Variants in CCDC169 observed in about 807,000 individuals in gnomAD.
The protein encoded by CCDC169 is coiled-coil domain containing 169, also known as coiled-coil domain-containing protein 169.
A neutral mutation model predicts 36.0 loss-of-function variants in CCDC169; 30 were observed. That is an observed-to-expected ratio of 0.83 (90% CI 0.62 to 1.13). The LOEUF (loss-of-function observed/expected upper bound fraction) is 1.13, where lower values mean the gene tolerates loss of function less well. Ranked by LOEUF, CCDC169 falls within the 50% of genes most tolerant of loss-of-function variation. The pLI is 0.00. For missense variants in CCDC169, 245 were observed against 245.9 expected (o/e 1.00, Z 0.03); for synonymous variants, 85 against 81.5 (o/e 1.04, Z -0.23).
chr13:36,234,040 G>A (rs956631516), intron 7 of CCDC169, among the ~76,000 whole-genome samples: 1 of 152,108 alleles, frequency 6.6e-6, no homozygotes, highest in Non-Finnish European at 1.5e-5. Flanking sequence ...TCTGAGGGTG[G>A]CTTCATCTAC....
At position 36,266,599 on chromosome 13, in the gene CCDC169, C is replaced by T. The variant is rs191102977; in HGVS notation, c.316-12456G>A. On this transcript the variant is annotated intron_variant, in intron 4 of 7. Transcript: ENST00000239859. ...TTGTTTTACCCTGTCCACCCTTCCA[C>T]TACTGGTATAGAGGGCCTCTTATGA... 1.9e-3 allele frequency among the ~76,000 whole-genome samples: 287 copies of T among 152,310 alleles called. 2 individuals are homozygous for T. Among genetic ancestry groups the T allele is most frequent in the African/African-American group, 6.6e-3 (274 of 41,564 alleles).
intron 4 of CCDC169, among the ~76,000 whole-genome samples, chr13:36,264,431 A>T (rs1875010362): frequency 6.7e-6 from 1 of 150,250 alleles, no homozygotes; most frequent in South Asian, 2.1e-4. Flanking sequence ...GCAATAAATA[A>T]AAAAAAAAGT....
chr13:36,246,989 C>T lies in CCDC169; in HGVS notation c.545+1617G>A, dbSNP rs79520563. Among the ~76,000 whole-genome samples the T allele has an allele frequency of 8.8e-3, 1,346 of 152,262 alleles. 14 individuals carry two copies. Among genetic ancestry groups the T allele is most frequent in the Non-Finnish European group, 0.014 (929 of 68,016 alleles). ...TTCAAAGCATCAAAAAACAGGTTGA[C>T]TTGTCTAATGCAGCCAGTGAGTTTA... On this transcript the variant is annotated intron_variant, in intron 7 of 7. Coordinates refer to ENST00000239859, the MANE Select transcript of CCDC169 (RefSeq NM_001144981.3).
At position 36,248,658 on chromosome 13, in the gene CCDC169, T is replaced by G. The variant is rs576535002; in HGVS notation, c.493A>C (p.Lys165Gln). 11 of 1,550,570 alleles carry G rather than the reference T, an allele frequency of 7.1e-6. No individual in the cohort carries two copies. In the South Asian group the frequency reaches 1.1e-4, roughly 15 times the overall value. Residue 165 changes from lysine (K) to glutamine (Q), a missense_variant, in exon 7 of 8, where the codon AAA becomes CAA. Coordinates refer to ENST00000239859, the MANE Select transcript of CCDC169 (RefSeq NM_001144981.3). ...GGCAGTTGATCCACCTGTTGCCTTT[T>G]AGAAACTTGATGTAAACCAGAACCC... ...SQGSGLHQVS[K>Q]RQQVDQLPRM...
At chr13:36,282,395 T>G (rs1431573651) in intron 4 of CCDC169, 2 of 985,286 alleles carry the variant, frequency 2.0e-6, no homozygotes, top group Admixed American at 6.1e-5. Context: ...GATATAGGAT[T>G]GTTGGATCCC....
chr13:36,287,699 G>A (rs1374796122), intron 2 of CCDC169, among the ~76,000 whole-genome samples: 1 of 152,150 alleles, frequency 6.6e-6, no homozygotes, highest in African/African-American at 2.4e-5. Context: ...TAAAATTATT[G>A]ATAAAAATAG....
intron 2 of CCDC169, among the ~76,000 whole-genome samples, chr13:36,288,529 C>T (rs1338525684): frequency 3.3e-5 from 5 of 151,954 alleles, no homozygotes; most frequent in Non-Finnish European, 7.4e-5. Flanking sequence ...TGGGACATTT[C>T]CAATTAAGAA....
intron 1 of CCDC169, 84 bp from the exon 2 acceptor site, chr13:36,295,941 CAGG>C (rs2138665412): frequency 1.4e-6 from 1 of 738,462 alleles, no homozygotes; most frequent in East Asian, 2.8e-5. Context: ...ACTACTACTT[CAGG>C]AACAATTTAC....
intron 4 of CCDC169, 109 bp downstream of exon 4, chr13:36,283,358 AGT>A (rs1877777416): frequency 4.0e-6 from 4 of 1,002,414 alleles, no homozygotes; most frequent in Non-Finnish European, 5.8e-6. Flanking sequence ...TGAACAAAAC[AGT>A]TTATTTGGAC....
At chr13:36,237,867 C>G (rs1335373091) in intron 7 of CCDC169, among the ~76,000 whole-genome samples, 1 of 152,132 alleles carries the variant, frequency 6.6e-6, no homozygotes, top group Non-Finnish European at 1.5e-5. Context: ...TCAGAGTGTT[C>G]CCTACAGTAA....
chr13:36,272,038 T>C (rs972100154), intron 4 of CCDC169, among the ~76,000 whole-genome samples: 1 of 150,518 alleles, frequency 6.6e-6, no homozygotes, highest in African/African-American at 2.4e-5. Context: ...TGAGCCGAGA[T>C]TGCACCACTG....
Position 36,254,379 on chromosome 13 carries a change from G to A in CCDC169, c.316-236C>T, listed in dbSNP as rs529143776. Among the ~76,000 whole-genome samples, 3 of 150,280 alleles carry A rather than the reference G, an allele frequency of 2.0e-5. No individual in the cohort carries two copies. The South Asian group carries it at 6.3e-4, about 32-fold the overall frequency. On this transcript the variant is annotated intron_variant, in intron 4 of 7. Coordinates refer to ENST00000239859, the MANE Select transcript of CCDC169 (RefSeq NM_001144981.3). ...CAACCTCCGCCTCCCAGGTCTATGC[G>A]ATTCCCCTGCCTCAGGCTCCCAAGT...
chr13:36,258,746 C>CT (rs1874238929), intron 4 of CCDC169, among the ~76,000 whole-genome samples: 1 of 124,018 alleles, frequency 8.1e-6, no homozygotes, highest in Non-Finnish European at 1.9e-5. Flanking sequence ...CCAACCAGCA[C>CT]CCCGGGGGCT....
At chr13:36,267,498 C>T (rs1875476249) in intron 4 of CCDC169, among the ~76,000 whole-genome samples, 1 of 152,046 alleles carries the variant, frequency 6.6e-6, no homozygotes, top group Non-Finnish European at 1.5e-5. Context: ...TGTACCAAAA[C>T]AGAACCTCTT....
intron 6 of CCDC169, among the ~76,000 whole-genome samples, chr13:36,253,123 C>T (rs1253640529): frequency 6.6e-6 from 1 of 152,126 alleles, no homozygotes. Flanking sequence ...CCTCTTTGTC[C>T]TGTATTTATA....
At chr13:36,273,473 C>G (rs965121278) in intron 4 of CCDC169, among the ~76,000 whole-genome samples, 1 of 152,044 alleles carries the variant, frequency 6.6e-6, no homozygotes, top group Non-Finnish European at 1.5e-5. Flanking sequence ...TCCTGAGGCC[C>G]CACACACATA....
chr13:36,273,613 G>T (rs1055559884), intron 4 of CCDC169, among the ~76,000 whole-genome samples: 1 of 152,096 alleles, frequency 6.6e-6, no homozygotes, highest in Admixed American at 6.6e-5. Flanking sequence ...TATTCTACAA[G>T]ATTTAAAAAT....
intron 2 of CCDC169, among the ~76,000 whole-genome samples, chr13:36,289,550 T>G (rs949942379): frequency 6.6e-6 from 1 of 152,226 alleles, no homozygotes; most frequent in Non-Finnish European, 1.5e-5. Flanking sequence ...ATATTTTTCA[T>G]CAGGTTTAAC....
chr13:36,227,821 C>T (rs1870016771), downstream of CCDC169, among the ~76,000 whole-genome samples: 1 of 152,168 alleles, frequency 6.6e-6, no homozygotes, highest in Non-Finnish European at 1.5e-5. Context: ...AGTCATTCTC[C>T]ATCACCGACC....
Sources: gnomAD v4.1 joint callset for allele counts (sites outside exome capture counted in the v4.1 genomes callset) on GRCh38, gnomAD v4.1.1 for gene constraint, MANE v1.5 for transcripts, NCBI Gene and HGNC (gene_info 2026-07-23, HGNC 2026-07-21) for gene names.